DLC1: variants seen among roughly 807,000 people sequenced by gnomAD.
DLC1 encodes rho GTPase-activating protein 7.
A neutral mutation model predicts 140.3 loss-of-function variants in DLC1; 54 were observed. The ratio of observed to expected loss-of-function variants is 0.38; its 90% CI spans 0.31 to 0.48. The LOEUF is 0.48. Among genes scored for constraint, DLC1 ranks in the 20% least tolerant of loss-of-function variants. The pLI is 0.96. For missense variants in DLC1, 2,536 were observed against 1,907.0 expected, an observed-to-expected ratio of 1.33 and a Z score of -6.14; for synonymous variants, 986 against 728.1, an observed-to-expected ratio of 1.35 and a Z score of -5.70.
rs566099118 is a variant in DLC1, at chr8:13,217,996, C to A, written c.1348+87273G>T. Among the ~76,000 whole-genome samples, 3 of 152,214 alleles carry A rather than the reference C, an allele frequency of 2.0e-5. No individual in the cohort carries two copies. The East Asian group carries it at 5.8e-4, about 29-fold the overall frequency. Reference sequence around the variant, plus strand: ...CTTACATAAAATACCAGAAACATGACAGAAGCCAGTCCCCTCCCTTGAATG... The same window carrying A: ...CTTACATAAAATACCAGAAACATGAAAGAAGCCAGTCCCCTCCCTTGAATG... On this transcript the variant is annotated intron_variant, in intron 5 of 17. Coordinates refer to ENST00000276297, the MANE Select transcript of DLC1 (RefSeq NM_182643.3).
intron 5 of DLC1, among the ~76,000 whole-genome samples, chr8:13,240,190 C>T (rs747587029): frequency 1.2e-4 from 19 of 152,076 alleles, no homozygotes; most frequent in Non-Finnish European, 2.6e-4. Context: ...GTGCAGTTTA[C>T]CAGGCTGGAC....
At chr8:13,182,752 C>T (rs1278568399) in intron 5 of DLC1, among the ~76,000 whole-genome samples, 3 of 152,084 alleles carry the variant, frequency 2.0e-5, no homozygotes, top group African/African-American at 4.8e-5. Context: ...AGTCAGGCAG[C>T]GTGATGCCTC....
chr8:13,202,389 A>T (rs1827437048), intron 5 of DLC1, among the ~76,000 whole-genome samples: 1 of 152,238 alleles, frequency 6.6e-6, no homozygotes. Context: ...TGACATATCC[A>T]TCACCTCAAA....
intron 5 of DLC1, among the ~76,000 whole-genome samples, chr8:13,173,645 C>T (rs1188694364): frequency 1.3e-5 from 2 of 152,208 alleles, no homozygotes; most frequent in African/African-American, 2.4e-5. Flanking sequence ...GCTGAGATTA[C>T]AGGCTTGAGC....
intron 2 of DLC1, among the ~76,000 whole-genome samples, chr8:13,419,948 G>T (rs1838240954): frequency 6.6e-6 from 1 of 152,110 alleles, no homozygotes; most frequent in African/African-American, 2.4e-5. Flanking sequence ...TTGGGAGAGT[G>T]TATGTGTCGA....
chr8:13,602,594 CTA>C (rs1234801902), intron 1 of DLC1, among the ~76,000 whole-genome samples: 1 of 151,760 alleles, frequency 6.6e-6, no homozygotes, highest in Non-Finnish European at 1.5e-5. Context: ...AAGAATGACT[CTA>C]TGTGTTAATT....
At chr8:13,363,749 A>C (rs1835353472) in intron 4 of DLC1, among the ~76,000 whole-genome samples, 1 of 152,200 alleles carries the variant, frequency 6.6e-6, no homozygotes, top group African/African-American at 2.4e-5. Context: ...GCAAAATCTA[A>C]GGTCGCCAAG....
intron 5 of DLC1, among the ~76,000 whole-genome samples, chr8:13,216,239 G>C (rs191444151): frequency 6.6e-6 from 1 of 152,050 alleles, no homozygotes; most frequent in Non-Finnish European, 1.5e-5. Context: ...TTACACCAAA[G>C]GTCTCATTTG....
chr8:13,496,669 G>A (rs1229322115), intron 2 of DLC1, among the ~76,000 whole-genome samples: 1 of 150,500 alleles, frequency 6.6e-6, no homozygotes, highest in African/African-American at 2.4e-5. Context: ...TTGTTTTTCA[G>A]TACTATATTA....
rs774372225 is a variant in DLC1, at chr8:13,393,701, A to C, written c.1174-8T>G. ...AGATCCTGATTCCAGATCCTATTAA[A>C]AAACAAATGCACTGGTATGAAGGAC... is the stretch of plus-strand genomic sequence containing the variant. On this transcript the variant is annotated splice_polypyrimidine_tract_variant and splice_region_variant and intron_variant, in intron 3 of 17. Transcript: ENST00000276297. The C allele has an allele frequency of 1.2e-6, 2 of 1,611,502 alleles. No individual in the cohort carries two copies. The highest frequency in any genetic ancestry group is 2.2e-5 in the South Asian group (2 of 90,542).
intron 1 of DLC1, among the ~76,000 whole-genome samples, chr8:13,544,193 CACAA>C (rs930552262): frequency 7.7e-5 from 10 of 129,618 alleles, no homozygotes; most frequent in African/African-American, 2.1e-4. Context: ...CTTACACACA[CACAA>C]ACACACACAC....
At chr8:13,412,987 G>C (rs984699286) in intron 2 of DLC1, among the ~76,000 whole-genome samples, 10 of 151,348 alleles carry the variant, frequency 6.6e-5, no homozygotes, top group African/African-American at 2.2e-4. Flanking sequence ...CATGTGCTAG[G>C]GTTCATGTTT....
chr8:13,374,385 G>A (rs2117130353), intron 4 of DLC1, among the ~76,000 whole-genome samples: 1 of 152,242 alleles, frequency 6.6e-6, no homozygotes, highest in East Asian at 1.9e-4. Context: ...ATCAAGCATT[G>A]CACCTGGTGA....
At chr8:13,443,515 C>T (rs979966262) in intron 2 of DLC1, among the ~76,000 whole-genome samples, 6 of 151,430 alleles carry the variant, frequency 4.0e-5, no homozygotes, top group African/African-American at 7.3e-5. Context: ...AAAAATTAGC[C>T]GGGCATGGTG....
chr8:13,145,761 G>A (rs996790791), intron 5 of DLC1, among the ~76,000 whole-genome samples: 1 of 151,996 alleles, frequency 6.6e-6, no homozygotes, highest in South Asian at 2.1e-4. Context: ...AAATATAAAA[G>A]CTAAAAATAA....
chr8:13,341,673 T>A (rs1252261059), intron 4 of DLC1: 2 of 152,104 alleles, frequency 1.3e-5, no homozygotes, highest in African/African-American at 4.8e-5. Flanking sequence ...AGTGGCCAGG[T>A]TGTGACTCTG....
At chr8:13,281,074 G>A (rs1446928694) in intron 5 of DLC1, among the ~76,000 whole-genome samples, 1 of 152,194 alleles carries the variant, frequency 6.6e-6, no homozygotes, top group Non-Finnish European at 1.5e-5. Context: ...CTGTAACTCT[G>A]AAGGATGTCT....
At chr8:13,312,386 A>AAAAAAAAAAAAAATAAT (rs71207139) in intron 4 of DLC1, among the ~76,000 whole-genome samples, 58 of 81,692 alleles carry the variant, frequency 7.1e-4, no homozygotes, top group East Asian at 2.6e-3. Flanking sequence ...AAAAAAAAAA[A>AAAAAAAAAAAAAATAAT]AATAATTTCT....
At chr8:13,086,579 C>G (rs765586072) in intron 16 of DLC1, 116 bp from the exon 17 acceptor site, 15 of 1,176,854 alleles carry the variant, frequency 1.3e-5, no homozygotes, top group Admixed American at 4.8e-5. Context: ...AGTGGCCATG[C>G]TGTGTGACCC....
Sources: allele counts gnomAD v4.1 joint callset (sites outside exome capture counted in the v4.1 genomes callset), GRCh38; gene constraint gnomAD v4.1.1; transcripts MANE v1.5; gene names NCBI Gene and HGNC (gene_info 2026-07-23, HGNC 2026-07-21).